Variants in CTDP1 observed in about 807,000 individuals in gnomAD.
CTDP1 encodes CTD phosphatase 1.
A neutral mutation model predicts 91.8 loss-of-function variants in CTDP1; 47 were observed. That is an observed-to-expected ratio of 0.51 (90% CI 0.41 to 0.65). The LOEUF (loss-of-function observed/expected upper bound fraction) is 0.65. Ranked by LOEUF, CTDP1 falls within the 30% of genes least tolerant of loss-of-function variation. The pLI, the probability that CTDP1 is intolerant of heterozygous loss-of-function variation, is 0.00. For synonymous variants in CTDP1, 656 were observed against 598.5 expected, an observed-to-expected ratio of 1.10 and a Z score of -1.40; for missense variants, 1,272 against 1,373.7, an observed-to-expected ratio of 0.93 and a Z score of 1.17.
At chr18:79,747,323 A>G (rs1220795498) in intron 12 of CTDP1, among the ~76,000 whole-genome samples, 1 of 152,100 alleles carries the variant, frequency 6.6e-6, no homozygotes, top group Non-Finnish European at 1.5e-5. Context: ...ATGCCATGAG[A>G]TTGCTGAGGA....
At chr18:79,725,972 G>A (rs1313308549) in intron 10 of CTDP1, among the ~76,000 whole-genome samples, 2 of 152,186 alleles carry the variant, frequency 1.3e-5, no homozygotes, top group African/African-American at 2.4e-5. Context: ...GAGGTTTGAT[G>A]ACGAGGTGTC....
At chr18:79,739,771 C>CGG (rs2086737551) in intron 12 of CTDP1, among the ~76,000 whole-genome samples, 1 of 151,462 alleles carries the variant, frequency 6.6e-6, no homozygotes, top group South Asian at 2.1e-4. Context: ...TTCATACCCG[C>CGG]CGCCAGGACG....
At position 79,714,871 on chromosome 18, in the gene CTDP1, T is replaced by A; in HGVS notation, c.1411T>A (p.Ser471Thr). The A allele has an allele frequency of 6.3e-7, 1 of 1,582,646 alleles. No homozygotes were observed. The highest frequency in any genetic ancestry group is 8.6e-7 in the Non-Finnish European group (1 of 1,165,226). The change falls in exon 8 of 13, where the codon TCC (serine) becomes ACC (threonine). Residue 471 changes from serine to threonine, a missense_variant. Around this residue, in one of 3 missense-constraint regions of CTDP1, gnomAD observed 881 missense variants for 911.6 expected, o/e 0.97. Transcript: ENST00000613122. ...SSESEGTKSS[S>T]SASDGESEGK... is the part of the protein sequence containing the mutation. The stretch of plus-strand genomic sequence containing the variant: ...TGAGTCCGAGGGCACGAAGTCCTCC[T>A]CCTCCGCCTCTGATGGCGAAAGCGA...
rs182342988 is a variant in CTDP1, at chr18:79,682,571, T to C, written c.314+2310T>C. On this transcript the variant is annotated intron_variant, in intron 1 of 12. Transcript: ENST00000613122. ...TGCTTTGGTCTGCGAGGGCCACCTT[T>C]ATGTAGATGTTTTTCAGTAAATCGT... is the stretch of plus-strand genomic sequence containing the variant. Among the ~76,000 whole-genome samples the C allele has an allele frequency of 2.3e-3, 356 of 152,338 alleles. 1 individual carries two copies. The highest frequency in any genetic ancestry group is 7.8e-3 in the African/African-American group (325 of 41,574).
In CTDP1 at chr18:79,715,201, G is replaced by A; in HGVS notation, c.1741G>A (p.Glu581Lys). The A allele has an allele frequency of 6.2e-7, 1 of 1,612,342 alleles. No individual in the cohort carries two copies. The highest frequency in any genetic ancestry group is 8.5e-7 in the Non-Finnish European group (1 of 1,179,376). ...GGACCAGAGCATGGAGGAGGAGGAG[G>A]AGGAGGACACGGATGAGGATGACCA... is the stretch of plus-strand genomic sequence containing the variant. ...SLDQSMEEEE[E>K]EDTDEDDHLI... is the part of the protein sequence containing the mutation. The change falls in exon 8 of 13, where the codon GAG becomes AAG. Residue 581 changes from glutamate (E) to lysine (K), a missense_variant. Transcript: ENST00000613122.
At chr18:79,733,893 A>C (rs2086616193) in intron 11 of CTDP1, among the ~76,000 whole-genome samples, 1 of 152,198 alleles carries the variant, frequency 6.6e-6, no homozygotes, top group Admixed American at 6.5e-5. Context: ...TTTGGTAGAA[A>C]TTCCAACACT....
In CTDP1 at chr18:79,717,515, C is replaced by T. The variant is rs8084175; in HGVS notation, c.2069-20C>T. 270,842 of 1,611,332 alleles carry T rather than the reference C, an allele frequency of 0.17. 25,158 individuals carry two copies. The highest frequency in any genetic ancestry group is 0.19 in the Non-Finnish European group (227,362 of 1,179,638). On this transcript the variant is annotated intron_variant, in intron 8 of 12. Transcript: ENST00000613122. Reference sequence around the variant, plus strand: ...TCCAGTGCTGGCCGGAACAGCCTGACGCAGCCGGGTCTCCTGCAGGCACAG... The same window carrying T: ...TCCAGTGCTGGCCGGAACAGCCTGATGCAGCCGGGTCTCCTGCAGGCACAG...
intron 11 of CTDP1, 29 bp downstream of exon 11, chr18:79,729,098 C>T (rs758776859): frequency 1.4e-5 from 23 of 1,611,562 alleles, no homozygotes; most frequent in South Asian, 2.2e-5. Flanking sequence ...CCGGTGCCCG[C>T]GCCAGCGCTC....
chr18:79,697,900 A>T lies in CTDP1; in HGVS notation c.533A>T (p.His178Leu). Reference protein sequence around the residue: ...QLGREDQQRLHRNRKLVLMVD... With the variant: ...QLGREDQQRLLRNRKLVLMVD... The stretch of plus-strand genomic sequence containing the variant: ...GGAAGAGAAGACCAGCAGCGACTGC[A>T]CCGAAACCGGAAGCTGGTGCTCATG... Residue 178 changes from histidine to leucine, a missense_variant, in exon 4 of 13, where the codon CAC becomes CTC. Transcript: ENST00000613122. The T allele has an allele frequency of 6.2e-7, 1 of 1,614,238 alleles. No homozygotes were observed.
chr18:79,690,915 A>G (rs12605631), intron 1 of CTDP1, among the ~76,000 whole-genome samples: 25,937 of 152,256 alleles, frequency 0.17, 2,671 homozygotes, highest in East Asian at 0.3. Flanking sequence ...GTGATTTTCT[A>G]CGAAGGCCTG....
chr18:79,682,444 C>T lies in CTDP1; in HGVS notation c.314+2183C>T, dbSNP rs560868786. Reference sequence around the variant, plus strand: ...ATAGAGAGTTGCAGGTAGAAATCTCCGCAGCTTTTGCTTAAAGCCAACAGT... The same window carrying T: ...ATAGAGAGTTGCAGGTAGAAATCTCTGCAGCTTTTGCTTAAAGCCAACAGT... On this transcript the variant is annotated intron_variant, in intron 1 of 12. Coordinates refer to ENST00000613122, the MANE Select transcript of CTDP1 (RefSeq NM_004715.5). 4.6e-5 allele frequency among the ~76,000 whole-genome samples: 7 copies of T among 152,328 alleles called. No individual in the cohort carries two copies. In the South Asian group the frequency reaches 6.2e-4, roughly 14 times the overall value.
chr18:79,679,524 C>T (rs748942027), upstream of CTDP1: 51 of 458,800 alleles, frequency 1.1e-4, 1 homozygote, highest in East Asian at 8.2e-4. Flanking sequence ...CTCGTAGTCC[C>T]GCCATGCTCT....
At chr18:79,727,474 G>A (rs1455184950) in intron 10 of CTDP1, among the ~76,000 whole-genome samples, 4 of 152,138 alleles carry the variant, frequency 2.6e-5, no homozygotes, top group Non-Finnish European at 5.9e-5. Flanking sequence ...GGGAAGCGCG[G>A]CTTTCGCGGG....
rs149590706 is a variant in CTDP1 at position 79,754,069 on chromosome 18, G to C, written c.*279G>C. The C allele has an allele frequency of 2.1e-6, 1 of 485,064 alleles. No individual in the cohort carries two copies. The highest frequency in any genetic ancestry group is 4.0e-5 in the East Asian group (1 of 25,226). The allele number at this position is 485,064 out of a possible 1,614,324, so 30.0% of individuals were successfully genotyped here. On this transcript the variant is annotated 3_prime_UTR_variant, in exon 13 of 13. Coordinates refer to ENST00000613122, the MANE Select transcript of CTDP1 (RefSeq NM_004715.5). ...TCACGTGGCCCAGGCTGGTGCGCCCGCTGTCTCGGTAAGGGGCGGGTTGGT... is the reference window on the plus strand; with the variant it reads ...TCACGTGGCCCAGGCTGGTGCGCCCCCTGTCTCGGTAAGGGGCGGGTTGGT...
rs938069086 is a variant in CTDP1, at chr18:79,702,067, C to T, written c.622-2700C>T. On this transcript the variant is annotated intron_variant, in intron 4 of 12. Transcript: ENST00000613122. ...TCCATCAACTTAGTTGGTAAACCAG[C>T]GGCAGGGTCTACGAGGATTGCTCCT... is the stretch of plus-strand genomic sequence containing the variant. 3.9e-5 allele frequency among the ~76,000 whole-genome samples: 6 copies of T among 152,338 alleles called. No homozygotes were observed. In the East Asian group the frequency reaches 5.8e-4, roughly 15 times the overall value.
chr18:79,712,576 G>A (rs992444497), intron 6 of CTDP1, among the ~76,000 whole-genome samples: 12 of 152,222 alleles, frequency 7.9e-5, no homozygotes, highest in Non-Finnish European at 1.5e-4. Flanking sequence ...GCCACACAGC[G>A]CCTAGCCTGG....
chr18:79,749,501 C>CGCCACGCCCTCCCGAG (rs142577028), intron 12 of CTDP1, among the ~76,000 whole-genome samples: 2 of 150,172 alleles, frequency 1.3e-5, no homozygotes, highest in East Asian at 2.0e-4. Flanking sequence ...GTGAGGGTCG[C>CGCCACGCCCTCCCGAG]GCCCCGTGCA....
chr18:79,744,706 G>T (rs978450457), intron 12 of CTDP1, among the ~76,000 whole-genome samples: 2 of 152,204 alleles, frequency 1.3e-5, no homozygotes, highest in African/African-American at 4.8e-5. Flanking sequence ...ATGTGCACCG[G>T]AAGTGAGAAC....
intron 6 of CTDP1, among the ~76,000 whole-genome samples, 192 bp from the exon 7 acceptor site, chr18:79,712,780 A>T (rs1031009292): frequency 3.3e-5 from 5 of 152,224 alleles, no homozygotes; most frequent in Non-Finnish European, 5.9e-5. Flanking sequence ...AATCGGAAAC[A>T]GCACTGAAGA....
Sources: gnomAD v4.1 joint callset for allele counts (sites outside exome capture counted in the v4.1 genomes callset) on GRCh38, gnomAD v4.1.1 for gene constraint, gnomAD v4.1.1 regional missense constraint, MANE v1.5 for transcripts, NCBI Gene and HGNC (gene_info 2026-07-23, HGNC 2026-07-21) for gene names.